Variants in ARPP21 observed in about 807,000 individuals in gnomAD.
ARPP21 encodes the protein cAMP regulated phosphoprotein 21.
A neutral mutation model predicts 113.2 loss-of-function variants in ARPP21; 69 were observed. The ratio of observed to expected loss-of-function variants is 0.61; its 90% CI spans 0.50 to 0.74. The LOEUF is 0.74. Among genes scored for constraint, ARPP21 ranks in the 30% least tolerant of loss-of-function variants. ARPP21 has a pLI of 0.00. For synonymous variants in ARPP21, 368 were observed against 375.5 expected, an observed-to-expected ratio of 0.98 and a Z score of 0.23; for missense variants, 1,070 against 1,037.4, an observed-to-expected ratio of 1.03 and a Z score of -0.43.
chr3:35,693,472 G>A (rs1022209576), intron 9 of ARPP21, among the ~76,000 whole-genome samples: 111 of 151,472 alleles, frequency 7.3e-4, no homozygotes, highest in Non-Finnish European at 1.3e-3. Flanking sequence ...TTTAGCACAC[G>A]AAAAAAGAGG....
intron 9 of ARPP21, among the ~76,000 whole-genome samples, chr3:35,696,197 T>C (rs2083954480): frequency 6.6e-6 from 1 of 151,516 alleles, no homozygotes; most frequent in Non-Finnish European, 1.5e-5. Flanking sequence ...TGACCAAGAG[T>C]AGAAAGACTT....
intron 11 of ARPP21, among the ~76,000 whole-genome samples, chr3:35,711,939 C>A (rs1381153930): frequency 1.3e-5 from 2 of 152,188 alleles, no homozygotes; most frequent in Non-Finnish European, 2.9e-5. Context: ...GTCTTGGACA[C>A]TCAGATCAAC....
At chr3:35,643,897 A>T (rs1490324796) in intron 1 of ARPP21, 1 of 152,020 alleles carries the variant, frequency 6.6e-6, no homozygotes, top group Non-Finnish European at 1.5e-5. Flanking sequence ...TCTAATCACA[A>T]AAAGAATTGA....
intron 1 of ARPP21, among the ~76,000 whole-genome samples, chr3:35,661,325 C>T (rs1288679131): frequency 6.6e-6 from 1 of 152,070 alleles, no homozygotes. Flanking sequence ...TGAATTTGTG[C>T]TGTTAAAACT....
chr3:35,657,565 A>T (rs1705610576), intron 1 of ARPP21, among the ~76,000 whole-genome samples: 2 of 152,244 alleles, frequency 1.3e-5, no homozygotes, highest in East Asian at 3.9e-4. Context: ...CCTCTCAGCC[A>T]CTTTTGAGGT....
intron 16 of ARPP21, 85 bp from the exon 17 acceptor site, chr3:35,738,129 G>C (rs1054334484): frequency 1.7e-5 from 14 of 826,686 alleles, no homozygotes; most frequent in Non-Finnish European, 2.6e-5. Context: ...AACCTAGAGA[G>C]CCTATGAAGG....
chr3:35,704,331 AT>A (rs1028109337), intron 9 of ARPP21, among the ~76,000 whole-genome samples: 21 of 151,756 alleles, frequency 1.4e-4, no homozygotes, highest in African/African-American at 4.3e-4. Context: ...TTGTAGATGC[AT>A]TTTTTTCCAA....
chr3:35,699,025 T>C (rs1486034471), intron 9 of ARPP21, among the ~76,000 whole-genome samples: 1 of 151,668 alleles, frequency 6.6e-6, no homozygotes, highest in African/African-American at 2.4e-5. Context: ...GTATAGCCTA[T>C]AGCACATGTT....
chr3:35,749,205 A>G (rs1261869796), intron 19 of ARPP21, among the ~76,000 whole-genome samples: 3 of 152,118 alleles, frequency 2.0e-5, no homozygotes, highest in East Asian at 3.9e-4. Context: ...CTGCCTCCCT[A>G]CTGAGCTTGG....
At chr3:35,762,346 A>T (rs1479904425) in intron 19 of ARPP21, among the ~76,000 whole-genome samples, 2 of 152,074 alleles carry the variant, frequency 1.3e-5, no homozygotes, top group African/African-American at 4.8e-5. Context: ...AATATCAGAG[A>T]AGTGCTGATA....
chr3:35,719,412 A>G (rs1291330482), intron 13 of ARPP21, among the ~76,000 whole-genome samples: 1 of 152,236 alleles, frequency 6.6e-6, no homozygotes, highest in Non-Finnish European at 1.5e-5. Flanking sequence ...CTAGTGAGGT[A>G]GAGGTAGAGA....
intron 9 of ARPP21, among the ~76,000 whole-genome samples, chr3:35,705,443 C>T (rs992437614): frequency 7.2e-5 from 11 of 152,102 alleles, no homozygotes; most frequent in African/African-American, 1.4e-4. Context: ...ATGTCATATT[C>T]GCACTTTCAG....
intron 19 of ARPP21, chr3:35,784,975 C>T (rs2096599637): frequency 6.6e-6 from 1 of 152,034 alleles, no homozygotes; most frequent in Non-Finnish European, 1.5e-5. Context: ...AATTTGATCA[C>T]AATAATGCTG....
At chr3:35,664,373 G>A (rs377358781) in intron 1 of ARPP21, among the ~76,000 whole-genome samples, 48 of 152,206 alleles carry the variant, frequency 3.2e-4, no homozygotes, top group East Asian at 1.6e-3. Context: ...TTACCCTATA[G>A]AGCAATTTCT....
Position 35,738,208 on chromosome 3 carries a change from CT to C in ARPP21, c.1645-5del, listed in dbSNP as rs778770316. The C allele has an allele frequency of 3.9e-6, 6 of 1,525,760 alleles. No homozygotes were observed. The highest frequency in any genetic ancestry group is 2.4e-5 in the East Asian group (1 of 40,870). The allele number at this position is 1,525,760 out of a possible 1,614,324, so 94.5% of individuals were successfully genotyped here. On this transcript the variant is annotated splice_region_variant and splice_polypyrimidine_tract_variant and intron_variant, in intron 16 of 20. Coordinates refer to ENST00000684406, the MANE Select transcript of ARPP21 (RefSeq NM_001385562.1). The stretch of plus-strand genomic sequence containing the variant: ...TGTCAGCTGATCAATTTTTTCTTTC[CT>C]CCAGTCTGTCCAGGGGCTGCAGGCT...
At chr3:35,720,975 G>C (rs1033778419) in intron 13 of ARPP21, among the ~76,000 whole-genome samples, 10 of 152,204 alleles carry the variant, frequency 6.6e-5, no homozygotes, top group East Asian at 3.9e-4. Context: ...ATAATTAAAG[G>C]GTTCTTTCCT....
intron 1 of ARPP21, chr3:35,640,905 A>G (rs534632887): frequency 6.6e-6 from 1 of 152,322 alleles, no homozygotes; most frequent in South Asian, 2.1e-4. Context: ...TGGTGGTAGA[A>G]TTGAGTTGAA....
At chr3:35,659,809 G>GGCTA (rs1706832537) in intron 1 of ARPP21, among the ~76,000 whole-genome samples, 1 of 152,184 alleles carries the variant, frequency 6.6e-6, no homozygotes, top group South Asian at 2.1e-4. Flanking sequence ...AAAGGTGGCT[G>GGCTA]GTGTGTTGTT....
intron 19 of ARPP21, among the ~76,000 whole-genome samples, chr3:35,744,252 C>T (rs1287986137): frequency 6.6e-6 from 1 of 152,212 alleles, no homozygotes; most frequent in East Asian, 1.9e-4. Flanking sequence ...CCGTACCTTT[C>T]TAGTTCATAC....
Sources: allele counts gnomAD v4.1 joint callset (sites outside exome capture counted in the v4.1 genomes callset), GRCh38; gene constraint gnomAD v4.1.1; transcripts MANE v1.5; gene names NCBI Gene and HGNC (gene_info 2026-07-23, HGNC 2026-07-21).